The following PLCB4 variants were observed in gnomAD, a reference collection of about 807,000 sequenced individuals.
The protein encoded by PLCB4 is 1-phosphatidylinositol 4,5-bisphosphate phosphodiesterase beta-4.
A neutral mutation model predicts 178.8 loss-of-function variants in PLCB4; 77 were observed. The ratio of observed to expected loss-of-function variants is 0.43; its 90% CI spans 0.36 to 0.52. PLCB4 has a LOEUF of 0.52. Ranked by LOEUF, PLCB4 falls within the 20% of genes least tolerant of loss-of-function variation. PLCB4 has a pLI of 0.00. For synonymous variants in PLCB4, 496 were observed against 490.8 expected (o/e 1.01, Z -0.14); for missense variants, 1,024 against 1,453.4 (o/e 0.70, Z 4.80).
chr20:9,204,737 ACTG>A (rs1421669718), intron 2 of PLCB4, among the ~76,000 whole-genome samples: 1 of 152,112 alleles, frequency 6.6e-6, no homozygotes, highest in African/African-American at 2.4e-5. Flanking sequence ...TGTTAAAGAG[ACTG>A]CCACTGGATG....
Position 9,384,371 on chromosome 20 carries a change from T to G in PLCB4, c.1024T>G (p.Ser342Ala). The change falls in exon 14 of 40, where the codon TCG (serine) becomes GCG (alanine). Residue 342 changes from serine to alanine, a missense_variant. Ser to Ala is a moderately conservative substitution (Grantham distance 99). Transcript: ENST00000378473. ...LTGRQFGGKS[S>A]VEMYRQVLLA... Reference sequence around the variant, plus strand: ...TGGCAGACAGTTCGGCGGGAAGTCTTCGGTAGAAATGTACAGACAGGTTCT... The same window carrying G: ...TGGCAGACAGTTCGGCGGGAAGTCTGCGGTAGAAATGTACAGACAGGTTCT... The G allele has an allele frequency of 1.9e-6, 3 of 1,614,206 alleles. No homozygotes were observed. Among genetic ancestry groups the G allele is most frequent in the Non-Finnish European group, 2.5e-6 (3 of 1,180,034 alleles).
At chr20:9,216,379 G>A (rs550859264) in intron 2 of PLCB4, among the ~76,000 whole-genome samples, 9 of 151,906 alleles carry the variant, frequency 5.9e-5, no homozygotes, top group African/African-American at 2.2e-4. Flanking sequence ...CACCATGCCC[G>A]GCTAATTTTT....
At chr20:9,140,304 A>G (rs1291299615) in intron 2 of PLCB4, among the ~76,000 whole-genome samples, 1 of 152,002 alleles carries the variant, frequency 6.6e-6, no homozygotes, top group Non-Finnish European at 1.5e-5. Flanking sequence ...TCATCTTGCT[A>G]TCACACTTTG....
intron 7 of PLCB4, among the ~76,000 whole-genome samples, chr20:9,341,860 G>T (rs116246184): frequency 2.0e-5 from 3 of 152,052 alleles, no homozygotes; most frequent in Admixed American, 1.3e-4. Flanking sequence ...AAATAATTCT[G>T]TATTGGATTT....
Position 9,155,271 on chromosome 20 carries a change from G to T in PLCB4, c.-79+58929G>T, listed in dbSNP as rs1006980856. On this transcript the variant is annotated intron_variant, in intron 2 of 39. Transcript: ENST00000378473. ...CAGCGCCATCCAAGTTGCTGCAAAA[G>T]ACATTATTTTGTTCCTTTTAATGGC... is the stretch of plus-strand genomic sequence containing the variant. Among the ~76,000 whole-genome samples, 5 of 152,096 alleles carry T rather than the reference G, an allele frequency of 3.3e-5. No homozygotes were observed. In the East Asian group the frequency reaches 9.7e-4, roughly 29 times the overall value.
intron 3 of PLCB4, among the ~76,000 whole-genome samples, chr20:9,220,886 C>T (rs1037297544): frequency 6.6e-6 from 1 of 152,160 alleles, no homozygotes; most frequent in African/African-American, 2.4e-5. Context: ...TCTTATTACC[C>T]TGTAAATACT....
In PLCB4 at chr20:9,419,786, TC is replaced by T. The variant is rs758702428; in HGVS notation, c.2052-20del. 2.1e-5 allele frequency: 31 copies of T among 1,480,602 alleles called. No individual in the cohort carries two copies. Among genetic ancestry groups the T allele is most frequent in the Non-Finnish European group, 2.5e-5 (26 of 1,058,176 alleles). The allele number at this position is 1,480,602 out of a possible 1,614,324, so 91.7% of individuals were successfully genotyped here. On this transcript the variant is annotated intron_variant, in intron 25 of 39. Transcript: ENST00000378473. ...TCTTTGTAAAACCTACTAATAAACTTCTATGCTATTGTCCTACCAGGTACCT... is the reference window on the plus strand; with the variant it reads ...TCTTTGTAAAACCTACTAATAAACTTTATGCTATTGTCCTACCAGGTACCT...
chr20:9,342,023 G>A (rs1287564718), intron 7 of PLCB4, among the ~76,000 whole-genome samples: 3 of 151,962 alleles, frequency 2.0e-5, no homozygotes, highest in South Asian at 2.1e-4. Flanking sequence ...TTGTCCTTTC[G>A]GTTGATTGAC....
chr20:9,363,546 A>G (rs2035527368), intron 8 of PLCB4, among the ~76,000 whole-genome samples: 1 of 152,178 alleles, frequency 6.6e-6, no homozygotes, highest in Admixed American at 6.5e-5. Context: ...TATTTTTTCC[A>G]TGAAAGAAGG....
rs2089636471 is a variant in PLCB4 at position 9,072,794 on chromosome 20, A to C, written c.-135+3588A>C. 1.3e-5 allele frequency among the ~76,000 whole-genome samples: 2 copies of C among 152,204 alleles called. 1 individual carries two copies. The highest frequency in any genetic ancestry group is 4.1e-4 in the South Asian group (2 of 4,826). ...CTGTACCTTTCAAATCTCAGCTAGG[A>C]GATCCTTATGTTCCAGGGAATGAAT... On this transcript the variant is annotated intron_variant, in intron 1 of 39. Transcript: ENST00000378473.
At chr20:9,433,310 G>A (rs913489462) in intron 28 of PLCB4, among the ~76,000 whole-genome samples, 3 of 152,180 alleles carry the variant, frequency 2.0e-5, no homozygotes, top group Non-Finnish European at 4.4e-5. Flanking sequence ...GATTGCTTTA[G>A]ACTAAAATTG....
chr20:9,098,554 G>A (rs992162954), intron 2 of PLCB4, among the ~76,000 whole-genome samples: 3 of 151,648 alleles, frequency 2.0e-5, no homozygotes, highest in African/African-American at 7.3e-5. Flanking sequence ...GGAGGCTGTG[G>A]AGTATTGTAA....
rs2276479 is a variant in PLCB4, at chr20:9,455,897, A to G, written c.2997-1517A>G. Among the ~76,000 whole-genome samples the G allele has an allele frequency of 5.2e-3, 799 of 152,302 alleles. 5 individuals are homozygous for G. The highest frequency in any genetic ancestry group is 0.048 in the East Asian group (250 of 5,186). On this transcript the variant is annotated intron_variant, in intron 33 of 39. Transcript: ENST00000378473. ...GTTGCCCAGGCTGAAGTGCAGTAGCACAATCTTGGCCCAATGCAACCTCCG... is the reference window on the plus strand; with the variant it reads ...GTTGCCCAGGCTGAAGTGCAGTAGCGCAATCTTGGCCCAATGCAACCTCCG...
At chr20:9,296,746 A>G (rs900836563) in intron 3 of PLCB4, among the ~76,000 whole-genome samples, 5 of 152,144 alleles carry the variant, frequency 3.3e-5, no homozygotes, top group Admixed American at 2.6e-4. Flanking sequence ...TTTTCAACAA[A>G]CTATTGCAAG....
chr20:9,473,337 T>A lies in PLCB4; in HGVS notation c.3467T>A (p.Leu1156Gln), dbSNP rs2044317060. Residue 1156 changes from leucine (L) to glutamine (Q), a missense_variant, in exon 38 of 40, where the codon CTA becomes CAA. Physicochemically the swap from Leu to Gln is moderately radical, Grantham distance 113 (BLOSUM62 -2). Transcript: ENST00000378473. ...DQLKKVQLEH[L>Q]EFLEKQNEQL... ...TTGAAAAAAGTCCAGCTTGAACATC[T>A]AGAATTCCTAGAGAAACAGAATGAG... 1 of 1,593,608 alleles carries A rather than the reference T, an allele frequency of 6.3e-7. No individual in the cohort carries two copies. The highest frequency in any genetic ancestry group is 8.6e-7 in the Non-Finnish European group (1 of 1,166,028).
intron 1 of PLCB4, among the ~76,000 whole-genome samples, chr20:9,075,552 A>C (rs1010729519): frequency 6.6e-6 from 1 of 152,178 alleles, no homozygotes. Flanking sequence ...GGTTTTAATG[A>C]GGGTGTGGTG....
chr20:9,472,892 A>G (rs373709029), intron 37 of PLCB4, 45 bp downstream of exon 37: 17 of 1,107,920 alleles, frequency 1.5e-5, no homozygotes, highest in African/African-American at 1.3e-4. Flanking sequence ...TTAAAAAACT[A>G]TAAACAATAA....
chr20:9,213,867 G>A (rs1164464088), intron 2 of PLCB4, among the ~76,000 whole-genome samples: 1 of 152,194 alleles, frequency 6.6e-6, no homozygotes, highest in Non-Finnish European at 1.5e-5. Context: ...CTATGAAGCA[G>A]TATCTCATTG....
intron 19 of PLCB4, among the ~76,000 whole-genome samples, chr20:9,398,365 T>G (rs973269160): frequency 5.3e-5 from 8 of 152,302 alleles, no homozygotes; most frequent in Admixed American, 3.9e-4. Context: ...TTTTCACATG[T>G]TTTTGCAAAT....
Sources: gnomAD v4.1 joint callset for allele counts (sites outside exome capture counted in the v4.1 genomes callset) on GRCh38, gnomAD v4.1.1 for gene constraint, MANE v1.5 for transcripts, NCBI Gene and HGNC (gene_info 2026-07-23, HGNC 2026-07-21) for gene names.